ANO4: variants seen among roughly 807,000 people sequenced by gnomAD.
The protein encoded by ANO4 is anoctamin-4.
A neutral mutation model predicts 141.9 loss-of-function variants in ANO4; 69 were observed. The observed-to-expected ratio is 0.49, with a 90% CI of 0.40 to 0.59. ANO4 has a LOEUF of 0.59. Among genes scored for constraint, ANO4 ranks in the 20% least tolerant of loss-of-function variants. The probability of loss-of-function intolerance (pLI) is 0.00; values close to 1 mark genes in which losing one functional copy is unlikely to be tolerated. For missense variants in ANO4, 894 were observed against 1,162.2 expected (o/e 0.77, Z 3.36); for synonymous variants, 350 against 394.3 (o/e 0.89, Z 1.33).
At chr12:100,838,969 A>T (rs1206343573) in intron 1 of ANO4, among the ~76,000 whole-genome samples, 1 of 152,198 alleles carries the variant, frequency 6.6e-6, no homozygotes, top group East Asian at 1.9e-4. Flanking sequence ...GGAGACTAAA[A>T]GCAGGTTCCC....
chr12:100,754,437 C>T (rs932821736), intron 3 of ANO4, among the ~76,000 whole-genome samples: 5 of 151,908 alleles, frequency 3.3e-5, no homozygotes, highest in African/African-American at 7.3e-5. Context: ...ACCCCCACCA[C>T]GTGTTGTCAT....
chr12:100,808,267 G>T (rs1457085914), intron 1 of ANO4, among the ~76,000 whole-genome samples: 1 of 152,140 alleles, frequency 6.6e-6, no homozygotes, highest in African/African-American at 2.4e-5. Context: ...TCTGACTGGT[G>T]TGAGATGGTG....
intron 3 of ANO4, among the ~76,000 whole-genome samples, chr12:100,746,246 G>A (rs1255836597): frequency 6.6e-6 from 1 of 152,156 alleles, no homozygotes; most frequent in African/African-American, 2.4e-5. Flanking sequence ...CTGAGGTCAG[G>A]AGTTCAAGAC....
At chr12:100,932,004 T>TTA (rs398044723) in intron 3 of ANO4, among the ~76,000 whole-genome samples, 1 of 151,256 alleles carries the variant, frequency 6.6e-6, no homozygotes, top group Non-Finnish European at 1.5e-5. Context: ...TTTTTTTTTT[T>TTA]AAGTGATACT....
intron 4 of ANO4, among the ~76,000 whole-genome samples, chr12:100,940,575 G>A (rs1212811602): frequency 6.6e-6 from 1 of 152,192 alleles, no homozygotes; most frequent in Non-Finnish European, 1.5e-5. Context: ...CCAAAACATA[G>A]TGAGGATTGG....
chr12:101,122,180 A>G (rs565423876), intron 26 of ANO4, among the ~76,000 whole-genome samples: 4 of 152,282 alleles, frequency 2.6e-5, no homozygotes, highest in African/African-American at 9.6e-5. Context: ...GTCTGCTTCT[A>G]TATCTTCTTT....
chr12:100,996,892 C>T (rs953787694), intron 8 of ANO4, among the ~76,000 whole-genome samples: 5 of 152,150 alleles, frequency 3.3e-5, no homozygotes, highest in Non-Finnish European at 7.4e-5. Context: ...ATGATAGCAA[C>T]CACTGTTTAC....
At chr12:100,815,863 A>G (rs1265473017) in intron 1 of ANO4, among the ~76,000 whole-genome samples, 1 of 152,212 alleles carries the variant, frequency 6.6e-6, no homozygotes, top group Admixed American at 6.6e-5. Context: ...AAAACTATAA[A>G]TAACTTAAAA....
chr12:100,910,395 A>G (rs4764769), intron 2 of ANO4, among the ~76,000 whole-genome samples: 119,827 of 152,050 alleles, frequency 0.79, 47,728 homozygotes, highest in African/African-American at 0.9. Flanking sequence ...AAATACAGAA[A>G]CCATTCATCT....
intron 1 of ANO4, among the ~76,000 whole-genome samples, chr12:100,733,550 G>T (rs1228357312): frequency 1.3e-5 from 2 of 152,184 alleles, no homozygotes; most frequent in East Asian, 1.9e-4. Context: ...AATTGCCTGT[G>T]TGTAGCTGTC....
At chr12:101,082,036 G>C (rs2049304813) in intron 15 of ANO4, among the ~76,000 whole-genome samples, 1 of 152,114 alleles carries the variant, frequency 6.6e-6, no homozygotes, top group Non-Finnish European at 1.5e-5. Flanking sequence ...GACACAATTT[G>C]GCCTATAACA....
chr12:100,767,813 A>C (rs1283643536), intron 3 of ANO4, among the ~76,000 whole-genome samples: 1 of 152,236 alleles, frequency 6.6e-6, no homozygotes, highest in Non-Finnish European at 1.5e-5. Flanking sequence ...AGTGTATTTT[A>C]AGCTGATAAC....
chr12:101,071,613 A>G (rs2136803376), intron 14 of ANO4, among the ~76,000 whole-genome samples: 1 of 152,244 alleles, frequency 6.6e-6, no homozygotes, highest in South Asian at 2.1e-4. Context: ...TAGAATGAAT[A>G]AGACGTAGTA....
At position 100,927,495 on chromosome 12, in the gene ANO4, G is replaced by A. The variant is rs1251450018; in HGVS notation, c.160+5165G>A. On this transcript the variant is annotated intron_variant, in intron 3 of 27. Transcript: ENST00000392977. ...TTTAATCACCAAAGTTTTCAAATCCGAACATTTTAAGAGGTAAGCATTTTA... is the reference window on the plus strand; with the variant it reads ...TTTAATCACCAAAGTTTTCAAATCCAAACATTTTAAGAGGTAAGCATTTTA... Among the ~76,000 whole-genome samples, 10 of 151,932 alleles carry A rather than the reference G, an allele frequency of 6.6e-5. No individual in the cohort carries two copies. The South Asian group carries it at 8.3e-4, about 13-fold the overall frequency.
At chr12:100,817,053 T>G (rs2035775586) in intron 1 of ANO4, among the ~76,000 whole-genome samples, 1 of 151,916 alleles carries the variant, frequency 6.6e-6, no homozygotes, top group African/African-American at 2.4e-5. Flanking sequence ...TGTAGAGATT[T>G]GAAATACCAA....
chr12:100,870,021 C>T (rs1172169198), intron 1 of ANO4, among the ~76,000 whole-genome samples: 1 of 152,164 alleles, frequency 6.6e-6, no homozygotes, highest in African/African-American at 2.4e-5. Context: ...TCAATCTAAT[C>T]CTGGAATCCC....
intron 26 of ANO4, among the ~76,000 whole-genome samples, chr12:101,125,827 T>G (rs1230615533): frequency 6.6e-6 from 1 of 151,996 alleles, no homozygotes; most frequent in Non-Finnish European, 1.5e-5. Context: ...GCATCAATGT[T>G]CATCGGGGAT....
chr12:100,886,086 A>G (rs1479696233), intron 1 of ANO4, among the ~76,000 whole-genome samples: 2 of 152,182 alleles, frequency 1.3e-5, no homozygotes, highest in Non-Finnish European at 2.9e-5. Flanking sequence ...TCTACTTTCA[A>G]ACTATCTTTT....
intron 3 of ANO4, among the ~76,000 whole-genome samples, chr12:100,778,517 C>A (rs1303692855): frequency 6.6e-6 from 1 of 152,188 alleles, no homozygotes; most frequent in Non-Finnish European, 1.5e-5. Context: ...AAAGACACCT[C>A]CCATAAGCCT....
Sources: gnomAD v4.1 joint callset for allele counts (sites outside exome capture counted in the v4.1 genomes callset) on GRCh38, gnomAD v4.1.1 for gene constraint, MANE v1.5 for transcripts, NCBI Gene and HGNC (gene_info 2026-07-23, HGNC 2026-07-21) for gene names.